The following CFAP210 variants were observed in gnomAD, a reference collection of about 807,000 sequenced individuals.
The protein encoded by CFAP210 is cilia- and flagella- associated protein 210.
At chr2:169,678,258 T>G in the CFAP210 span, among the ~76,000 whole-genome samples, 7 of 150,430 alleles carry the variant, frequency 4.7e-5, no homozygotes, top group Non-Finnish European at 1.0e-4. Flanking sequence ...GGAGAATTGC[T>G]TGAACCCGGG....
the CFAP210 span, among the ~76,000 whole-genome samples, chr2:169,668,385 T>G: frequency 6.6e-6 from 1 of 152,240 alleles, no homozygotes; most frequent in Non-Finnish European, 1.5e-5. Context: ...TAAGGCTGTT[T>G]GGCTCTCTTA....
At chr2:169,655,677 A>G in the CFAP210 span, among the ~76,000 whole-genome samples, 1 of 152,234 alleles carries the variant, frequency 6.6e-6, no homozygotes, top group Non-Finnish European at 1.5e-5. Context: ...AAGGTCATAT[A>G]GCCAGTAAAT....
At chr2:169,692,233 A>G in the CFAP210 span, among the ~76,000 whole-genome samples, 5 of 152,098 alleles carry the variant, frequency 3.3e-5, no homozygotes, top group Non-Finnish European at 4.4e-5. Context: ...TTGCCTCCCA[A>G]CTGTATCACT....
the CFAP210 span, among the ~76,000 whole-genome samples, chr2:169,687,744 C>T: frequency 3.3e-5 from 5 of 152,174 alleles, no homozygotes; most frequent in Admixed American, 1.3e-4. Flanking sequence ...GTCTGAAGGA[C>T]GGTGGCCCTC....
chr2:169,692,751 G>A, the CFAP210 span, among the ~76,000 whole-genome samples: 1 of 152,188 alleles, frequency 6.6e-6, no homozygotes, highest in South Asian at 2.1e-4. Context: ...TAAGCCTCAT[G>A]AGTGAGATTT....
At chr2:169,647,514 ACTGT>A in the CFAP210 span, among the ~76,000 whole-genome samples, 2 of 152,168 alleles carry the variant, frequency 1.3e-5, no homozygotes, top group African/African-American at 2.4e-5. Context: ...TAGCTAATTA[ACTGT>A]CTGAAAACTG....
At chr2:169,670,993 C>T in the CFAP210 span, among the ~76,000 whole-genome samples, 1 of 152,180 alleles carries the variant, frequency 6.6e-6, no homozygotes, top group African/African-American at 2.4e-5. Context: ...CAAAAAGAGA[C>T]TTGCCCCTTG....
At chr2:169,690,111 T>C in the CFAP210 span, among the ~76,000 whole-genome samples, 1 of 152,292 alleles carries the variant, frequency 6.6e-6, no homozygotes, top group South Asian at 2.1e-4. Flanking sequence ...TGGCCTCAAG[T>C]GGTCCTCCCA....
the CFAP210 span, among the ~76,000 whole-genome samples, chr2:169,668,865 T>C: frequency 1.7e-3 from 261 of 151,736 alleles, no homozygotes; most frequent in African/African-American, 6.0e-3. Context: ...ACAGCGAGAG[T>C]TACCAAAATG....
the CFAP210 span, among the ~76,000 whole-genome samples, chr2:169,648,553 AAAG>A: frequency 1.3e-5 from 2 of 152,224 alleles, no homozygotes; most frequent in East Asian, 3.8e-4. Flanking sequence ...ACACTTCACA[AAAG>A]AAGGTATGCA....
the CFAP210 span, among the ~76,000 whole-genome samples, chr2:169,664,017 C>G: frequency 6.9e-6 from 1 of 144,078 alleles, no homozygotes; most frequent in South Asian, 2.3e-4. Context: ...AATGAAACCC[C>G]AACTCTACTA....
the CFAP210 span, among the ~76,000 whole-genome samples, chr2:169,650,954 C>A: frequency 6.6e-6 from 1 of 151,542 alleles, no homozygotes; most frequent in Non-Finnish European, 1.5e-5. Context: ...TTAAGCTGGG[C>A]GTGGTGGCTC....
the CFAP210 span, among the ~76,000 whole-genome samples, chr2:169,662,065 T>C: frequency 6.6e-6 from 1 of 152,178 alleles, no homozygotes; most frequent in Non-Finnish European, 1.5e-5. Context: ...CATTTCAAAA[T>C]AACTAGAAGA....
At chr2:169,650,880 C>T in the CFAP210 span, among the ~76,000 whole-genome samples, 1 of 151,780 alleles carries the variant, frequency 6.6e-6, no homozygotes, top group Non-Finnish European at 1.5e-5. Context: ...GGTAGGATCG[C>T]TTGAGCCCAG....
the CFAP210 span, chr2:169,654,277 A>G: frequency 3.2e-5 from 44 of 1,392,672 alleles, no homozygotes; most frequent in Non-Finnish European, 4.0e-5. Context: ...ACATATCAGT[A>G]GCTAACAAGA....
At chr2:169,684,993 T>C in the CFAP210 span, among the ~76,000 whole-genome samples, 3 of 152,192 alleles carry the variant, frequency 2.0e-5, no homozygotes, top group African/African-American at 7.2e-5. Context: ...TTCCATTCTA[T>C]AGAAGTAGCA....
the CFAP210 span, chr2:169,648,038 C>T: frequency 2.5e-5 from 4 of 159,682 alleles, no homozygotes; most frequent in African/African-American, 9.7e-5. Context: ...CACCTGTAAT[C>T]CCAGCTACTT....
At chr2:169,685,348 T>G in the CFAP210 span, among the ~76,000 whole-genome samples, 3 of 152,250 alleles carry the variant, frequency 2.0e-5, no homozygotes, top group Non-Finnish European at 4.4e-5. Context: ...TTTGTATTTC[T>G]ATAATAGCTA....
At chr2:169,654,190 T>A in the CFAP210 span, 1 of 1,590,074 alleles carries the variant, frequency 6.3e-7, no homozygotes, top group East Asian at 2.3e-5. Flanking sequence ...ACAGCTTTGA[T>A]AATATGTTTA....
Sources: gnomAD v4.1 joint callset for allele counts (sites outside exome capture counted in the v4.1 genomes callset) on GRCh38, gnomAD v4.1.1 for gene constraint, MANE v1.5 for transcripts, NCBI Gene and HGNC (gene_info 2026-07-23, HGNC 2026-07-21) for gene names.